Variants in NCOA3 observed in about 807,000 individuals in gnomAD.
The protein encoded by NCOA3 is CBP-interacting protein.
In NCOA3, 51 loss-of-function variants were observed where a neutral mutation model predicts 158.8. The ratio of observed to expected loss-of-function variants is 0.32; its 90% CI spans 0.26 to 0.41. The LOEUF (loss-of-function observed/expected upper bound fraction) is 0.41, where lower values mean the gene tolerates loss of function less well. Among genes scored for constraint, NCOA3 ranks in the 10% least tolerant of loss-of-function variants. The pLI, the probability that NCOA3 is intolerant of heterozygous loss-of-function variation, is 1.00. For missense variants in NCOA3, 1,510 were observed against 1,746.6 expected, an observed-to-expected ratio of 0.86 and a Z score of 2.41; for synonymous variants, 537 against 592.4, an observed-to-expected ratio of 0.91 and a Z score of 1.36.
At chr20:47,514,803 G>A (rs1298950352) in intron 1 of NCOA3, among the ~76,000 whole-genome samples, 2 of 131,966 alleles carry the variant, frequency 1.5e-5, no homozygotes, top group Non-Finnish European at 3.1e-5. Flanking sequence ...TGCAACCTCC[G>A]CCTCCAGAGT....
At chr20:47,514,157 C>CT (rs201621297) in intron 1 of NCOA3, among the ~76,000 whole-genome samples, 19 of 142,412 alleles carry the variant, frequency 1.3e-4, no homozygotes, top group African/African-American at 2.1e-4. Flanking sequence ...TCAACATTTT[C>CT]TTTTTTTTTT....
chr20:47,622,606 G>A (rs1054717433), intron 3 of NCOA3, among the ~76,000 whole-genome samples: 3 of 152,182 alleles, frequency 2.0e-5, no homozygotes, highest in African/African-American at 7.2e-5. Flanking sequence ...AGATGACCAA[G>A]GTTATGTCAC....
intron 1 of NCOA3, among the ~76,000 whole-genome samples, chr20:47,535,588 GCCT>G (rs1568662519): frequency 6.6e-6 from 1 of 151,432 alleles, no homozygotes; most frequent in Non-Finnish European, 1.5e-5. Context: ...GCTCACTGCA[GCCT>G]CCTCCTCCCA....
At chr20:47,570,115 T>C (rs1466458997) in intron 1 of NCOA3, among the ~76,000 whole-genome samples, 2 of 152,316 alleles carry the variant, frequency 1.3e-5, no homozygotes, top group East Asian at 3.9e-4. Flanking sequence ...GAATCTTCAC[T>C]GGGGTAGATG....
Position 47,554,154 on chromosome 20 carries a change from G to A in NCOA3, c.-98-29029G>A, listed in dbSNP as rs541190923. ...TTGCATTTCTCTGATGGCCAGTGAT[G>A]ACGAGCATTTTTTCATGTGTTTTTT... On this transcript the variant is annotated intron_variant, in intron 1 of 22. Transcript: ENST00000371998. Among the ~76,000 whole-genome samples, 8 of 152,262 alleles carry A rather than the reference G, an allele frequency of 5.3e-5. No homozygotes were observed. The South Asian group carries it at 1.7e-3, about 32-fold the overall frequency.
chr20:47,645,038 C>G (rs368824437), intron 17 of NCOA3, among the ~76,000 whole-genome samples: 2 of 152,100 alleles, frequency 1.3e-5, no homozygotes, highest in Non-Finnish European at 2.9e-5. Flanking sequence ...TTTCAACCAC[C>G]ACTACCACTC....
intron 1 of NCOA3, among the ~76,000 whole-genome samples, chr20:47,524,631 A>G (rs1388618131): frequency 6.6e-6 from 1 of 152,218 alleles, no homozygotes; most frequent in East Asian, 1.9e-4. Flanking sequence ...AGAAGACAGA[A>G]AGAGGAAGCT....
chr20:47,635,831 TG>T (rs1207553016), intron 11 of NCOA3, 59 bp from the exon 12 acceptor site: 2 of 1,518,214 alleles, frequency 1.3e-6, no homozygotes, highest in Non-Finnish European at 1.8e-6. Flanking sequence ...AGAATTAAGT[TG>T]TATTTTGTTA....
chr20:47,558,349 T>G (rs1326839461), intron 1 of NCOA3, among the ~76,000 whole-genome samples: 1 of 148,256 alleles, frequency 6.7e-6, no homozygotes, highest in African/African-American at 2.5e-5. Context: ...CCCAAAGTGC[T>G]GGGATTACAG....
rs114467465 is a variant in NCOA3 at position 47,549,547 on chromosome 20, G to A, written c.-98-33636G>A. Among the ~76,000 whole-genome samples, 1,168 of 133,054 alleles carry A rather than the reference G, an allele frequency of 8.8e-3. 17 individuals are homozygous for A. The highest frequency in any genetic ancestry group is 0.031 in the African/African-American group (1,055 of 34,184). The allele number at this position is 133,054 out of a possible 152,430, so 87.3% of individuals were successfully genotyped here. On this transcript the variant is annotated intron_variant, in intron 1 of 22. Coordinates refer to ENST00000371998, the MANE Select transcript of NCOA3 (RefSeq NM_181659.3). ...TGCACTCCATCCTGGGCAACAGAGCGAAGACTCTGTCTCAAAAAAAAAAAA... is the reference window on the plus strand; with the variant it reads ...TGCACTCCATCCTGGGCAACAGAGCAAAGACTCTGTCTCAAAAAAAAAAAA...
At chr20:47,542,029 T>G (rs1029406864) in intron 1 of NCOA3, among the ~76,000 whole-genome samples, 3 of 76,688 alleles carry the variant, frequency 3.9e-5, no homozygotes, top group Non-Finnish European at 6.1e-5. Flanking sequence ...TTTTTTTTTT[T>G]TGTTGTTGTT....
chr20:47,608,771 C>T (rs1320066981), intron 2 of NCOA3, among the ~76,000 whole-genome samples: 1 of 151,904 alleles, frequency 6.6e-6, no homozygotes, highest in South Asian at 2.1e-4. Context: ...ATCCTGAGAT[C>T]AAAAGGCTTG....
At chr20:47,552,693 A>G (rs1233197014) in intron 1 of NCOA3, among the ~76,000 whole-genome samples, 1 of 152,150 alleles carries the variant, frequency 6.6e-6, no homozygotes, top group East Asian at 1.9e-4. Flanking sequence ...AAAGCTGTTC[A>G]TTAAAGGTTT....
rs67932607 is a variant in NCOA3, at chr20:47,640,233, G to C, written c.3080+182G>C. On this transcript the variant is annotated intron_variant, in intron 16 of 22. Coordinates refer to ENST00000371998, the MANE Select transcript of NCOA3 (RefSeq NM_181659.3). ...ATGAGGCTGAAGCAGTAAGCAGTGCGTGTGGCATTCACAGGAGAGGGAGGA... is the reference window on the plus strand; with the variant it reads ...ATGAGGCTGAAGCAGTAAGCAGTGCCTGTGGCATTCACAGGAGAGGGAGGA... Among the ~76,000 whole-genome samples the C allele has an allele frequency of 5.0e-3, 754 of 152,310 alleles. 5 individuals are homozygous for C. Among genetic ancestry groups the C allele is most frequent in the African/African-American group, 0.017 (701 of 41,568 alleles).
chr20:47,616,033 C>T (rs1479774497), intron 2 of NCOA3, among the ~76,000 whole-genome samples: 1 of 151,710 alleles, frequency 6.6e-6, no homozygotes, highest in East Asian at 2.0e-4. Context: ...TGGCAGGCGC[C>T]TGTAGTCCCA....
intron 14 of NCOA3, 110 bp downstream of exon 14, chr20:47,639,312 G>T (rs2086566817): frequency 2.0e-6 from 2 of 1,001,314 alleles, no homozygotes; most frequent in African/African-American, 1.6e-5. Flanking sequence ...AATAACGTTA[G>T]TATGTTTCTT....
At chr20:47,591,424 A>C (rs914738658) in intron 2 of NCOA3, among the ~76,000 whole-genome samples, 5 of 152,224 alleles carry the variant, frequency 3.3e-5, no homozygotes, top group Non-Finnish European at 7.3e-5. Context: ...TTTGAAGACA[A>C]ATTATAGCAT....
intron 1 of NCOA3, among the ~76,000 whole-genome samples, chr20:47,534,765 A>C (rs966896214): frequency 1.3e-5 from 2 of 151,910 alleles, no homozygotes; most frequent in Non-Finnish European, 2.9e-5. Flanking sequence ...AAATCCAAAA[A>C]ATTGTCTGGG....
chr20:47,546,070 A>G (rs962988846), intron 1 of NCOA3, among the ~76,000 whole-genome samples: 10 of 151,944 alleles, frequency 6.6e-5, no homozygotes, highest in Non-Finnish European at 1.2e-4. Context: ...TGTATATCCA[A>G]CTGTCCTCTG....
Sources: gnomAD v4.1 joint callset for allele counts (sites outside exome capture counted in the v4.1 genomes callset) on GRCh38, gnomAD v4.1.1 for gene constraint, MANE v1.5 for transcripts, NCBI Gene and HGNC (gene_info 2026-07-23, HGNC 2026-07-21) for gene names.